SGCA: variants seen among roughly 807,000 people sequenced by gnomAD.
SGCA encodes the protein sarcoglycan alpha.
In SGCA, 34 loss-of-function variants were observed where a neutral mutation model predicts 38.1. That is an observed-to-expected ratio of 0.89 (90% CI 0.68 to 1.19). The LOEUF (loss-of-function observed/expected upper bound fraction) is 1.19. Ranked by LOEUF, SGCA falls within the 50% of genes most tolerant of loss-of-function variation. The probability of loss-of-function intolerance (pLI) is 0.00; values close to 1 mark genes in which losing one functional copy is unlikely to be tolerated. For synonymous variants in SGCA, 209 were observed against 214.6 expected, an observed-to-expected ratio of 0.97 and a Z score of 0.23; for missense variants, 476 against 524.9, an observed-to-expected ratio of 0.91 and a Z score of 0.91.
intron 8 of SGCA, among the ~76,000 whole-genome samples, chr17:50,173,144 C>T (rs974250318): frequency 6.6e-6 from 1 of 152,234 alleles, no homozygotes; most frequent in East Asian, 1.9e-4. Context: ...CCATGTGCAA[C>T]GTTAGCCTTG....
In SGCA at chr17:50,169,212, C is replaced by G; in HGVS notation, c.705C>G (p.Thr235=). The change falls in exon 6 of 10, where the codon ACC becomes ACG. Residue 235 remains threonine, a synonymous_variant. Transcript: ENST00000262018. ...CTCCACTTCTGTCTTGCTACGACAC[C>G]TTGGCACCCCACTTCCGCGTTGACT... ...GQPPLLSCYD[T]LAPHFRVDWC... is the part of the protein sequence containing the mutation. 1 of 1,614,054 alleles carries G rather than the reference C, an allele frequency of 6.2e-7. No homozygotes were observed. The highest frequency in any genetic ancestry group is 8.5e-7 in the Non-Finnish European group (1 of 1,179,974).
At chr17:50,168,280 G>A in intron 4 of SGCA, 94 bp from the exon 5 acceptor site, 4 of 1,088,646 alleles carry the variant, frequency 3.7e-6, no homozygotes, top group Non-Finnish European at 5.4e-6. Flanking sequence ...GGGCCTGAAG[G>A]GGTGTGCAGG....
At chr17:50,175,177 G>A (rs1905825040) in intron 8 of SGCA, 80 bp from the exon 9 acceptor site, 3 of 1,348,266 alleles carry the variant, frequency 2.2e-6, no homozygotes, top group Middle Eastern at 2.1e-4. Flanking sequence ...GAGGACCGCA[G>A]GGTGGCTCAG....
At position 50,166,915 on chromosome 17, in the gene SGCA, C is replaced by A. The variant is rs1351622121; in HGVS notation, c.38-453C>A. Among the ~76,000 whole-genome samples the A allele has an allele frequency of 2.4e-4, 19 of 79,172 alleles. 1 individual carries two copies. Among genetic ancestry groups the A allele is most frequent in the African/African-American group, 5.1e-4 (10 of 19,490 alleles). 51.9% of individuals were successfully genotyped at this position (79,172 alleles called of 152,430 possible). A position where few individuals can be genotyped will look rare whatever the true frequency, so the allele number is the denominator to read the frequency against. On this transcript the variant is annotated intron_variant, in intron 1 of 9. Transcript: ENST00000262018. ...CACACCCCCCGCAAACACACACCCC[C>A]CACACACACCTTCACACACACACAC...
Position 50,169,166 on chromosome 17 carries a change from C to T in SGCA, c.659C>T (p.Ala220Val). 5 of 1,614,054 alleles carry T rather than the reference C, an allele frequency of 3.1e-6. No homozygotes were observed. The highest frequency in any genetic ancestry group is 4.2e-6 in the Non-Finnish European group (5 of 1,180,002). The change falls in exon 6 of 10, where the codon GCC becomes GTC. Residue 220 changes from alanine to valine, a missense_variant. Ala to Val is a moderately conservative substitution (Grantham distance 64). Coordinates refer to ENST00000262018, the MANE Select transcript of SGCA (RefSeq NM_000023.4). ...LKMVASPDSH[A>V]RCAQGQPPLL... Reference sequence around the variant, plus strand: ...ATGGTGGCATCCCCCGATAGCCACGCCCGCTGTGCCCAGGGCCAGCCTCCA... The same window carrying T: ...ATGGTGGCATCCCCCGATAGCCACGTCCGCTGTGCCCAGGGCCAGCCTCCA...
chr17:50,170,725 G>A (rs956210441), intron 8 of SGCA, 59 bp downstream of exon 8: 21 of 1,366,824 alleles, frequency 1.5e-5, no homozygotes, highest in African/African-American at 5.8e-5. Flanking sequence ...GTTGGACCCC[G>A]CCACCAAACT....
In SGCA at chr17:50,167,394, G is replaced by A. The variant is rs753784732; in HGVS notation, c.64G>A (p.Glu22Lys). ...TCTCCTGGCAGGGCTGGGGGACACCGAGGCCCAGCAGACCACGCTACACCC... is the reference window on the plus strand; with the variant it reads ...TCTCCTGGCAGGGCTGGGGGACACCAAGGCCCAGCAGACCACGCTACACCC... ...VVLLAGLGDTEAQQTTLHPLV... is the reference protein window; with the variant it reads ...VVLLAGLGDTKAQQTTLHPLV... Residue 22 changes from glutamate to lysine, a missense_variant, in exon 2 of 10, where the codon GAG becomes AAG. Physicochemically the swap from Glu to Lys is moderately conservative, Grantham distance 56 (BLOSUM62 1). Coordinates refer to ENST00000262018, the MANE Select transcript of SGCA (RefSeq NM_000023.4). The surrounding 1 kb of genome is among the most constrained non-coding windows in gnomAD (Gnocchi z 4.5). 2.5e-5 allele frequency: 40 copies of A among 1,614,026 alleles called. No homozygotes were observed. The highest frequency in any genetic ancestry group is 3.1e-5 in the Non-Finnish European group (36 of 1,180,024).
chr17:50,169,485 A>G (rs1437656996), intron 6 of SGCA: 8 of 561,694 alleles, frequency 1.4e-5, no homozygotes, highest in Non-Finnish European at 2.5e-5. Context: ...AGGGCAACAG[A>G]GTCCGCAATC....
chr17:50,173,613 T>A (rs1037366678), intron 8 of SGCA, among the ~76,000 whole-genome samples: 2 of 152,226 alleles, frequency 1.3e-5, no homozygotes, highest in African/African-American at 2.4e-5. Context: ...GGGGGCCCAC[T>A]GACTGAGGCC....
chr17:50,169,441 A>ACACT, intron 6 of SGCA, 187 bp downstream of exon 6: 1 of 589,844 alleles, frequency 1.7e-6, no homozygotes, highest in Non-Finnish European at 3.0e-6. Context: ...ACACACACAC[A>ACACT]CACACCCCTG....
At chr17:50,174,180 G>A (rs1468312132) in intron 8 of SGCA, among the ~76,000 whole-genome samples, 1 of 152,108 alleles carries the variant, frequency 6.6e-6, no homozygotes, top group Non-Finnish European at 1.5e-5. Context: ...AATTAGCCGA[G>A]CATGGTGGCT....
At chr17:50,169,549 T>C (rs1162798911) in intron 6 of SGCA, 2 of 477,292 alleles carry the variant, frequency 4.2e-6, no homozygotes, top group South Asian at 2.6e-5. Flanking sequence ...TCAACAGCTA[T>C]ATCACAGTCC....
rs765231848 is a variant in SGCA, at chr17:50,167,513, C to G, written c.157+26C>G. Reference sequence around the variant, plus strand: ...GTGAGCGGCCTGACAGGCACCCAGGCGGGCGGGCTGGGGTGTACCCCGCAG... The same window carrying G: ...GTGAGCGGCCTGACAGGCACCCAGGGGGGCGGGCTGGGGTGTACCCCGCAG... On this transcript the variant is annotated intron_variant, in intron 2 of 9. Transcript: ENST00000262018. The surrounding 1 kb of genome is among the most constrained non-coding windows in gnomAD (Gnocchi z 4.5). The G allele has an allele frequency of 3.7e-6, 6 of 1,614,106 alleles. No individual in the cohort carries two copies. Among genetic ancestry groups the G allele is most frequent in the Middle Eastern group, 1.6e-4 (1 of 6,062 alleles).
chr17:50,169,439 A>ACACACC, intron 6 of SGCA, 185 bp downstream of exon 6: 1 of 591,272 alleles, frequency 1.7e-6, no homozygotes, highest in Non-Finnish European at 3.0e-6. Context: ...ACACACACAC[A>ACACACC]CACACACCCC....
chr17:50,175,513 G>A (rs1189513166), intron 9 of SGCA, 64 bp downstream of exon 9: 2 of 1,443,958 alleles, frequency 1.4e-6, no homozygotes, highest in East Asian at 2.3e-5. Context: ...CACAAGGCTG[G>A]GGCAAATGGT....
Position 50,172,331 on chromosome 17 carries a change from G to T in SGCA, c.983+1665G>T, listed in dbSNP as rs553896773. On this transcript the variant is annotated intron_variant, in intron 8 of 9. Coordinates refer to ENST00000262018, the MANE Select transcript of SGCA (RefSeq NM_000023.4). ...TCACAGTGGCCCCATTGTTTCCTCCGGGGAGGGGTGGACCGGAGATGCCAG... is the reference window on the plus strand; with the variant it reads ...TCACAGTGGCCCCATTGTTTCCTCCTGGGAGGGGTGGACCGGAGATGCCAG... 9 of 451,386 alleles carry T rather than the reference G, an allele frequency of 2.0e-5. No homozygotes were observed. The East Asian group carries it at 3.5e-4, about 18-fold the overall frequency. 28.0% of individuals were successfully genotyped at this position (451,386 alleles called of 1,614,324 possible).
rs773985328 is a variant in SGCA, at chr17:50,169,182, C to T, written c.675C>T (p.Gly225=). The change falls in exon 6 of 10, where the codon GGC becomes GGT. Residue 225 remains glycine (G), a synonymous_variant. Coordinates refer to ENST00000262018, the MANE Select transcript of SGCA (RefSeq NM_000023.4). Reference sequence around the variant, plus strand: ...ATAGCCACGCCCGCTGTGCCCAGGGCCAGCCTCCACTTCTGTCTTGCTACG... The same window carrying T: ...ATAGCCACGCCCGCTGTGCCCAGGGTCAGCCTCCACTTCTGTCTTGCTACG... ...SPDSHARCAQ[G]QPPLLSCYDT... 9 of 1,613,928 alleles carry T rather than the reference C, an allele frequency of 5.6e-6. No individual in the cohort carries two copies. The South Asian group carries it at 9.9e-5, about 18-fold the overall frequency.
rs1598267271 is a variant in SGCA, at chr17:50,168,474, G to A, written c.486G>A (p.Gly162=). Residue 162 remains glycine, a synonymous_variant, in exon 5 of 10, where the codon GGG becomes GGA. Transcript: ENST00000262018. ...CCAGCCGCTTCCTCTCAGCCTTGGG[G>A]GGACTCTGGGAGCCCGGAGAGCTTC... ...TPASRFLSAL[G]GLWEPGELQL... 4 of 1,581,744 alleles carry A rather than the reference G, an allele frequency of 2.5e-6. No homozygotes were observed. The highest frequency in any genetic ancestry group is 2.3e-5 in the South Asian group (2 of 86,376).
rs759284746 is a variant in SGCA, at chr17:50,167,388, G to T, written c.58G>T (p.Asp20Tyr). 8 of 1,614,000 alleles carry T rather than the reference G, an allele frequency of 5.0e-6. No homozygotes were observed. Among genetic ancestry groups the T allele is most frequent in the African/African-American group, 4.0e-5 (3 of 74,912 alleles). Residue 20 changes from aspartate to tyrosine, a missense_variant, in exon 2 of 10, where the codon GAC (aspartate) becomes TAC (tyrosine). Coordinates refer to ENST00000262018, the MANE Select transcript of SGCA (RefSeq NM_000023.4). This position sits in a 1 kb window ranked among gnomAD's most constrained non-coding sequence, Gnocchi z 4.5. Reference protein sequence around the residue: ...LLVVLLAGLGDTEAQQTTLHP... With the variant: ...LLVVLLAGLGYTEAQQTTLHP... ...CACAGTTCTCCTGGCAGGGCTGGGG[G>T]ACACCGAGGCCCAGCAGACCACGCT...
Sources: allele counts gnomAD v4.1 joint callset (sites outside exome capture counted in the v4.1 genomes callset), GRCh38; gene constraint gnomAD v4.1.1; non-coding constraint Gnocchi (gnomAD v3.1); transcripts MANE v1.5; gene names NCBI Gene and HGNC (gene_info 2026-07-23, HGNC 2026-07-21).